Variants in TMEM132C observed in about 807,000 individuals in gnomAD.
TMEM132C encodes transmembrane protein 132C.
TMEM132C carries 29 observed loss-of-function variants against 61.4 expected under a neutral mutation model. The observed-to-expected ratio is 0.47, with a 90% CI of 0.35 to 0.64. The LOEUF (loss-of-function observed/expected upper bound fraction) is 0.64. Among genes scored for constraint, TMEM132C ranks in the 30% least tolerant of loss-of-function variants. The pLI, the probability that TMEM132C is intolerant of heterozygous loss-of-function variation, is 0.00. For missense variants in TMEM132C, 1,408 were observed against 1,476.9 expected (o/e 0.95, Z 0.76); for synonymous variants, 656 against 633.1 (o/e 1.04, Z -0.54).
chr12:128,439,994 A>G (rs904108272), intron 2 of TMEM132C, among the ~76,000 whole-genome samples: 1 of 152,194 alleles, frequency 6.6e-6, no homozygotes, highest in Non-Finnish European at 1.5e-5. Flanking sequence ...TGCACCATCT[A>G]TTGCAAAACA....
rs576931318 is a variant in TMEM132C at position 128,705,341 on chromosome 12, C to T, written c.2373C>T (p.Gly791=). Residue 791 remains glycine, a synonymous_variant, in exon 9 of 9, where the codon GGC becomes GGT. Coordinates refer to ENST00000435159, the MANE Select transcript of TMEM132C (RefSeq NM_001136103.3). ...KSKRKSILAV[G]VGNVRVKFGQ... ...AACGCAAGAGCATCCTGGCTGTGGGCGTCGGCAACGTCAGGGTCAAGTTCG... is the reference window on the plus strand; with the variant it reads ...AACGCAAGAGCATCCTGGCTGTGGGTGTCGGCAACGTCAGGGTCAAGTTCG... 5.5e-5 allele frequency: 85 copies of T among 1,551,412 alleles called. No individual in the cohort carries two copies. Among genetic ancestry groups the T allele is most frequent in the South Asian group, 1.9e-4 (16 of 84,054 alleles).
chr12:128,499,392 C>T (rs1345834313), intron 2 of TMEM132C, among the ~76,000 whole-genome samples: 2 of 152,086 alleles, frequency 1.3e-5, no homozygotes, highest in Non-Finnish European at 2.9e-5. Flanking sequence ...AAGCATTTAG[C>T]ATTTCTTTAT....
At chr12:128,629,655 C>T (rs182780413) in intron 4 of TMEM132C, among the ~76,000 whole-genome samples, 30 of 152,082 alleles carry the variant, frequency 2.0e-4, no homozygotes, top group Admixed American at 1.8e-3. Flanking sequence ...TGCCTGTAGT[C>T]GACAACACTG....
intron 2 of TMEM132C, among the ~76,000 whole-genome samples, chr12:128,457,189 T>G (rs1480190542): frequency 6.6e-6 from 1 of 152,124 alleles, no homozygotes; most frequent in Non-Finnish European, 1.5e-5. Context: ...TTTTTCACTT[T>G]TTTTAGGAAC....
chr12:128,678,161 GTTC>G (rs1194051300), intron 5 of TMEM132C, among the ~76,000 whole-genome samples: 1 of 152,156 alleles, frequency 6.6e-6, no homozygotes, highest in East Asian at 1.9e-4. Context: ...TTTTCTATTT[GTTC>G]TTGTCATGGC....
At chr12:128,284,365 T>G (rs1870992377) in intron 1 of TMEM132C, among the ~76,000 whole-genome samples, 1 of 152,226 alleles carries the variant, frequency 6.6e-6, no homozygotes, top group Admixed American at 6.5e-5. Context: ...CCTCAGGAGA[T>G]AAGCACATTT....
chr12:128,472,939 G>A (rs1485374322), intron 2 of TMEM132C, among the ~76,000 whole-genome samples: 1 of 152,164 alleles, frequency 6.6e-6, no homozygotes, highest in Non-Finnish European at 1.5e-5. Context: ...AAAATGTAGT[G>A]GCTTAAAACA....
chr12:128,613,137 T>C (rs1318202270), intron 3 of TMEM132C, among the ~76,000 whole-genome samples: 1 of 152,208 alleles, frequency 6.6e-6, no homozygotes, highest in African/African-American at 2.4e-5. Flanking sequence ...TCTTTGGACA[T>C]TTGGATGGTT....
intron 2 of TMEM132C, among the ~76,000 whole-genome samples, chr12:128,484,138 A>T (rs1054965465): frequency 6.6e-6 from 1 of 152,198 alleles, no homozygotes; most frequent in Non-Finnish European, 1.5e-5. Context: ...AGCTGTTGTT[A>T]TATGTTTGCC....
intron 1 of TMEM132C, among the ~76,000 whole-genome samples, chr12:128,292,474 A>G (rs1322948278): frequency 3.3e-5 from 5 of 152,140 alleles, no homozygotes; most frequent in East Asian, 1.9e-4. Context: ...CCTCGTGGGC[A>G]TAGATTTTGT....
intron 2 of TMEM132C, among the ~76,000 whole-genome samples, chr12:128,483,309 T>TGAGGGGAGAGGAGGAGGGGGAGGGGAGGA (rs1871376101): frequency 4.8e-5 from 1 of 20,800 alleles, no homozygotes; most frequent in Non-Finnish European, 7.8e-5. Flanking sequence ...GAGGGGGAGG[T>TGAGGGGAGAGGAGGAGGGGGAGGGGAGGA]GAGGGGAGAG....
chr12:128,624,116 A>G (rs1953992294), intron 4 of TMEM132C, among the ~76,000 whole-genome samples: 1 of 152,078 alleles, frequency 6.6e-6, no homozygotes, highest in African/African-American at 2.4e-5. Context: ...TTTTTTTCTA[A>G]AGAGAGAATA....
intron 1 of TMEM132C, among the ~76,000 whole-genome samples, chr12:128,395,165 GTAA>G (rs1241319402): frequency 7.3e-5 from 11 of 150,046 alleles, no homozygotes; most frequent in South Asian, 4.2e-4. Context: ...ATATTTTATG[GTAA>G]TAACAGAATA....
chr12:128,303,466 C>A (rs1467823417), intron 1 of TMEM132C, among the ~76,000 whole-genome samples: 1 of 152,196 alleles, frequency 6.6e-6, no homozygotes, highest in East Asian at 1.9e-4. Context: ...TTTTAATTTA[C>A]TGTTTCTGCA....
chr12:128,402,819 T>C (rs897427523), intron 1 of TMEM132C, among the ~76,000 whole-genome samples: 1 of 152,212 alleles, frequency 6.6e-6, no homozygotes, highest in East Asian at 1.9e-4. Context: ...CCTCTGTGCC[T>C]ACCTAGGGCA....
chr12:128,331,540 G>C (rs1193388), intron 1 of TMEM132C, among the ~76,000 whole-genome samples: 1 of 152,128 alleles, frequency 6.6e-6, no homozygotes, highest in Non-Finnish European at 1.5e-5. Context: ...TGCCTGGCTT[G>C]TTTCACTTAG....
chr12:128,325,484 C>G (rs138954594), intron 1 of TMEM132C, among the ~76,000 whole-genome samples: 2 of 152,094 alleles, frequency 1.3e-5, no homozygotes, highest in East Asian at 1.9e-4. Flanking sequence ...ATAAATGTAT[C>G]TAAATATCTG....
intron 4 of TMEM132C, among the ~76,000 whole-genome samples, chr12:128,652,369 T>C (rs532584612): frequency 3.3e-5 from 5 of 152,330 alleles, no homozygotes; most frequent in East Asian, 1.9e-4. Flanking sequence ...CAACATCCCA[T>C]TGATCTGTGT....
chr12:128,666,199 G>A (rs543273261), intron 4 of TMEM132C, among the ~76,000 whole-genome samples: 1 of 105,208 alleles, frequency 9.5e-6, no homozygotes, highest in African/African-American at 3.9e-5. Context: ...ACAGGCACAT[G>A]TACCCATAAA....
Sources: gnomAD v4.1 joint callset for allele counts (sites outside exome capture counted in the v4.1 genomes callset) on GRCh38, gnomAD v4.1.1 for gene constraint, MANE v1.5 for transcripts, NCBI Gene and HGNC (gene_info 2026-07-23, HGNC 2026-07-21) for gene names.